DBH: variants seen among roughly 807,000 people sequenced by gnomAD.
The protein encoded by DBH is dopamine beta-hydroxylase, also known as dopamine beta-hydroxylase (dopamine beta-monooxygenase).
DBH carries 49 observed loss-of-function variants against 64.0 expected under a neutral mutation model. The observed-to-expected ratio is 0.77, with a 90% CI of 0.61 to 0.97. The LOEUF (loss-of-function observed/expected upper bound fraction) is 0.97. Among genes scored for constraint, DBH ranks in the 50% least tolerant of loss-of-function variants. The probability of loss-of-function intolerance (pLI) is 0.00; values close to 1 mark genes in which losing one functional copy is unlikely to be tolerated. For synonymous variants in DBH, 343 were observed against 347.1 expected (o/e 0.99, Z 0.13); for missense variants, 828 against 826.6 (o/e 1.00, Z -0.02).
intron 9 of DBH, among the ~76,000 whole-genome samples, chr9:133,653,944 T>C (rs1460107347): frequency 6.6e-6 from 1 of 152,186 alleles, no homozygotes; most frequent in Non-Finnish European, 1.5e-5. Flanking sequence ...ATAATTATCC[T>C]GTGAATTGTG....
At chr9:133,645,360 CT>C (rs1435331246) in intron 5 of DBH, among the ~76,000 whole-genome samples, 1 of 151,978 alleles carries the variant, frequency 6.6e-6, no homozygotes, top group Non-Finnish European at 1.5e-5. Context: ...GGATTTATTG[CT>C]CATTTAAACC....
Position 133,657,247 on chromosome 9 carries a change from C to A in DBH, c.1722+18C>A, listed in dbSNP as rs550270692. The A allele has an allele frequency of 2.5e-6, 4 of 1,613,192 alleles. No homozygotes were observed. The highest frequency in any genetic ancestry group is 3.4e-6 in the Non-Finnish European group (4 of 1,180,008). ...GCTTCCAGGTGCGCTGCCATGGGCCCGGGTGGGGCATGCAGTCAGGCAGGC... is the reference window on the plus strand; with the variant it reads ...GCTTCCAGGTGCGCTGCCATGGGCCAGGGTGGGGCATGCAGTCAGGCAGGC... On this transcript the variant is annotated intron_variant, in intron 11 of 11. Transcript: ENST00000393056.
rs747848880 is a variant in DBH at position 133,658,361 on chromosome 9, G to T, written c.1768G>T (p.Glu590Ter). Residue 590 changes from glutamate (E) to a stop codon, truncating the protein, a stop_gained, in exon 12 of 12, where the codon GAA (glutamate) becomes TAA (stop). Transcript: ENST00000393056. LOFTEE classifies it low-confidence loss of function (END_TRUNC). ...QPLPKVISTL[E>*]EPTPQCPTSQ... ...CCTGCCCAAGGTCATCTCCACACTGGAAGAGCCCACCCCACAGTGCCCCAC... is the reference window on the plus strand; with the variant it reads ...CCTGCCCAAGGTCATCTCCACACTGTAAGAGCCCACCCCACAGTGCCCCAC... The T allele has an allele frequency of 1.2e-6, 2 of 1,613,756 alleles. No homozygotes were observed. The highest frequency in any genetic ancestry group is 1.7e-6 in the Non-Finnish European group (2 of 1,179,882).
Position 133,657,304 on chromosome 9 carries a change from T to C in DBH, c.1722+75T>C, listed in dbSNP as rs3025422. ...GGGGGCCCCAGTGAGGGGTGATGGG[T>C]CTGCACTCCAAACTGCTGGCAAAAG... On this transcript the variant is annotated intron_variant, in intron 11 of 11. Transcript: ENST00000393056. 51,805 of 1,573,242 alleles carry C rather than the reference T, an allele frequency of 0.033. 2,214 individuals carry two copies. Among genetic ancestry groups the C allele is most frequent in the South Asian group, 0.15 (13,905 of 89,962 alleles).
chr9:133,645,260 G>A (rs1337848842), intron 5 of DBH, among the ~76,000 whole-genome samples: 2 of 150,846 alleles, frequency 1.3e-5, no homozygotes, highest in African/African-American at 4.9e-5. Flanking sequence ...TTTTTTCCTG[G>A]CTGCATAAGT....
intron 7 of DBH, 80 bp downstream of exon 7, chr9:133,651,857 C>A (rs996567271): frequency 7.2e-7 from 1 of 1,382,058 alleles, no homozygotes; most frequent in Non-Finnish European, 1.0e-6. Flanking sequence ...TTTCCTGACA[C>A]CATAGGGATG....
At chr9:133,640,711 A>T (rs759592833) in intron 2 of DBH, among the ~76,000 whole-genome samples, 4 of 152,246 alleles carry the variant, frequency 2.6e-5, no homozygotes, top group Non-Finnish European at 4.4e-5. Flanking sequence ...TCATGGGTGT[A>T]GCTGAGTGAC....
chr9:133,639,811 C>T (rs1832094676), intron 1 of DBH, 35 bp from the exon 2 acceptor site: 2 of 1,599,122 alleles, frequency 1.3e-6, no homozygotes, highest in Non-Finnish European at 1.7e-6. Context: ...CGGCTTGGCT[C>T]CTTCATGCCT....
intron 11 of DBH, among the ~76,000 whole-genome samples, chr9:133,657,676 G>A (rs946337961): frequency 4.6e-5 from 7 of 152,096 alleles, no homozygotes; most frequent in African/African-American, 7.2e-5. Flanking sequence ...GGTAAGAAAC[G>A]AACCAGTCTG....
At chr9:133,636,795 AC>A in intron 1 of DBH, 85 bp downstream of exon 1, 1 of 1,266,048 alleles carries the variant, frequency 7.9e-7, no homozygotes, top group Non-Finnish European at 1.1e-6. Flanking sequence ...ACCCTCCTTA[AC>A]CCAGAAAGTT....
At position 133,657,689 on chromosome 9, in the gene DBH, G is replaced by A. The variant is rs572027826; in HGVS notation, c.1722+460G>A. The stretch of plus-strand genomic sequence containing the variant: ...AAGGTAAGAAACGAACCAGTCTGAA[G>A]CTGCGAGCTGGTTTTTTCCTCCTTA... On this transcript the variant is annotated intron_variant, in intron 11 of 11. Transcript: ENST00000393056. Among the ~76,000 whole-genome samples the A allele has an allele frequency of 2.6e-5, 4 of 151,702 alleles. No homozygotes were observed. The South Asian group carries it at 6.3e-4, about 24-fold the overall frequency.
At chr9:133,648,834 A>G (rs1425904325) in intron 6 of DBH, among the ~76,000 whole-genome samples, 1 of 152,254 alleles carries the variant, frequency 6.6e-6, no homozygotes, top group Non-Finnish European at 1.5e-5. Flanking sequence ...ATCAGTGTCT[A>G]GGCTGTTCTC....
rs1259485732 is a variant in DBH, at chr9:133,643,131, G to A, written c.745-282G>A. 1.3e-5 allele frequency among the ~76,000 whole-genome samples: 2 copies of A among 152,170 alleles called. No homozygotes were observed. Among genetic ancestry groups the A allele is most frequent in the Non-Finnish European group, 2.9e-5 (2 of 68,030 alleles). On this transcript the variant is annotated intron_variant, in intron 3 of 11. Transcript: ENST00000393056. The surrounding 1 kb of genome is among the most constrained non-coding windows in gnomAD (Gnocchi z 5.3). ...GCCCTGCCTCCCACTGGGGCTGCAGGAGCTGGCCCGGCCACAGCCCCATAT... is the reference window on the plus strand; with the variant it reads ...GCCCTGCCTCCCACTGGGGCTGCAGAAGCTGGCCCGGCCACAGCCCCATAT...
intron 6 of DBH, 113 bp downstream of exon 6, chr9:133,648,125 C>A: frequency 8.3e-7 from 1 of 1,204,710 alleles, no homozygotes; most frequent in Non-Finnish European, 1.2e-6. Context: ...TTTCCCCTGA[C>A]CCTGAATCCC....
intron 1 of DBH, among the ~76,000 whole-genome samples, chr9:133,639,622 C>T (rs73662134): frequency 3.2e-3 from 489 of 152,322 alleles, no homozygotes; most frequent in African/African-American, 0.011. Context: ...GAACCAACTC[C>T]ACTGTCGGGG....
rs573508385 is a variant in DBH at position 133,651,916 on chromosome 9, C to T, written c.1335+139C>T. On this transcript the variant is annotated intron_variant, in intron 7 of 11. Coordinates refer to ENST00000393056, the MANE Select transcript of DBH (RefSeq NM_000787.4). ...TGGGCCAGCCCCACCCGCCCCCCACCCATGTGGCCTGTGCTCCCCACTTGG... is the reference window on the plus strand; with the variant it reads ...TGGGCCAGCCCCACCCGCCCCCCACTCATGTGGCCTGTGCTCCCCACTTGG... The T allele has an allele frequency of 6.3e-4, 565 of 899,336 alleles. 5 individuals carry two copies. In the South Asian group the frequency reaches 8.4e-3, roughly 13 times the overall value. The allele number at this position is 899,336 out of a possible 1,614,324, so 55.7% of individuals were successfully genotyped here. A position where few individuals can be genotyped will look rare whatever the true frequency, so the allele number is the denominator to read the frequency against.
Position 133,639,973 on chromosome 9 carries a change from C to A in DBH, c.467C>A (p.Pro156His), listed in dbSNP as rs773297382. The A allele has an allele frequency of 9.3e-6, 15 of 1,613,954 alleles. No homozygotes were observed. Among genetic ancestry groups the A allele is most frequent in the Non-Finnish European group, 1.1e-5 (13 of 1,179,990 alleles). ...AAGAGGCCCTTTGGCACCTGCGACC[C>A]CAAGGATTACCTCATTGAAGTAAGG... ...LFKRPFGTCD[P>H]KDYLIEDGTV... Residue 156 changes from proline to histidine, a missense_variant, in exon 2 of 12, where the codon CCC becomes CAC. Pro to His is a moderately conservative substitution (Grantham distance 77, BLOSUM62 -2). Coordinates refer to ENST00000393056, the MANE Select transcript of DBH (RefSeq NM_000787.4).
intron 7 of DBH, among the ~76,000 whole-genome samples, chr9:133,652,028 T>C (rs1189413871): frequency 6.6e-6 from 1 of 152,064 alleles, no homozygotes; most frequent in Non-Finnish European, 1.5e-5. Flanking sequence ...TCTGGGAACA[T>C]CAATCTTGGT....
At chr9:133,657,472 GGGAGAGGGAGAGAGGAGAGAGAGAGGA>G (rs1832346816) in intron 11 of DBH, among the ~76,000 whole-genome samples, 3 of 145,012 alleles carry the variant, frequency 2.1e-5, no homozygotes, top group South Asian at 2.2e-4. Flanking sequence ...GAGGGAGAGA[GGGAGAGGGAGAGAGGAGAGAGAGAGGA>G]GAGAGAGAGA....
Sources: allele counts gnomAD v4.1 joint callset (sites outside exome capture counted in the v4.1 genomes callset), GRCh38; gene constraint gnomAD v4.1.1; non-coding constraint Gnocchi (gnomAD v3.1); transcripts MANE v1.5; gene names NCBI Gene and HGNC (gene_info 2026-07-23, HGNC 2026-07-21).